Variants in TRIO observed in about 807,000 individuals in gnomAD.
The protein encoded by TRIO is triple functional domain protein.
TRIO carries 58 observed loss-of-function variants against 351.9 expected under a neutral mutation model. The ratio of observed to expected loss-of-function variants is 0.16; its 90% confidence interval spans 0.13 to 0.21. The LOEUF (loss-of-function observed/expected upper bound fraction) is 0.21, where lower values mean the gene tolerates loss of function less well. TRIO is among the 10% of genes least tolerant of loss of function. The pLI, the probability that TRIO is intolerant of heterozygous loss-of-function variation, is 1.00. For missense variants in TRIO, 3,201 were observed against 4,027.8 expected (o/e 0.79, Z 5.56); for synonymous variants, 1,758 against 1,595.7 (o/e 1.10, Z -2.42).
At chr5:14,223,474 T>A (rs1327185473) in intron 1 of TRIO, among the ~76,000 whole-genome samples, 2 of 152,194 alleles carry the variant, frequency 1.3e-5, no homozygotes, top group African/African-American at 4.8e-5. Context: ...CCATGTCCTC[T>A]GTGTCCTATT....
rs1242476335 is a variant in TRIO, at chr5:14,290,996, A to G, written c.821A>G (p.Asp274Gly). ...KKKVIKAPIE[D>G]LDLEGQKLLQ... ...AAGGTGATTAAGGCCCCCATCGAGG[A>G]CCTGGATTTGGAGGGACAGAAGCTG... Residue 274 changes from aspartate to glycine, a missense_variant, in exon 5 of 57, where the codon GAC (aspartate) becomes GGC (glycine). Physicochemically the swap from Asp to Gly is moderately conservative, Grantham distance 94. Around this residue, in one of 19 missense-constraint regions of TRIO, gnomAD observed 349 missense variants for 449.3 expected, o/e 0.78. Coordinates refer to ENST00000344204, the MANE Select transcript of TRIO (RefSeq NM_007118.4). The G allele has an allele frequency of 6.2e-7, 1 of 1,614,202 alleles. No homozygotes were observed. Among genetic ancestry groups the G allele is most frequent in the South Asian group, 1.1e-5 (1 of 91,082 alleles).
At position 14,327,325 on chromosome 5, in the gene TRIO, C is replaced by T. The variant is rs189661917; in HGVS notation, c.1732-3453C>T. ...GATTACAGGTGTACACCACCACGCC[C>T]GGCTAATTTTGTATTTTTAGTAGAG... is the stretch of plus-strand genomic sequence containing the variant. On this transcript the variant is annotated intron_variant, in intron 9 of 56. Coordinates refer to ENST00000344204, the MANE Select transcript of TRIO (RefSeq NM_007118.4). 1.3e-3 allele frequency among the ~76,000 whole-genome samples: 199 copies of T among 152,184 alleles called. No homozygotes were observed. In the Middle Eastern group the frequency reaches 0.014, roughly 10 times the overall value.
At chr5:14,256,365 T>G (rs1463003538) in intron 1 of TRIO, among the ~76,000 whole-genome samples, 1 of 152,044 alleles carries the variant, frequency 6.6e-6, no homozygotes, top group Non-Finnish European at 1.5e-5. Flanking sequence ...GAGGTCACAT[T>G]TCAACACGAG....
intron 36 of TRIO, 108 bp from the exon 37 acceptor site, chr5:14,465,437 C>A: frequency 9.5e-7 from 1 of 1,048,654 alleles, no homozygotes; most frequent in Non-Finnish European, 1.4e-6. Flanking sequence ...GTCTTTTTGT[C>A]TGGAATTACT....
At chr5:14,397,648 T>A (rs1294091014) in intron 29 of TRIO, among the ~76,000 whole-genome samples, 2 of 150,982 alleles carry the variant, frequency 1.3e-5, no homozygotes, top group African/African-American at 4.8e-5. Flanking sequence ...TTTCCATAAA[T>A]GCCTCTGTTT....
chr5:14,404,378 T>C (rs888516228), intron 31 of TRIO, among the ~76,000 whole-genome samples: 1 of 152,112 alleles, frequency 6.6e-6, no homozygotes, highest in Non-Finnish European at 1.5e-5. Context: ...TTACTATTTC[T>C]GAAAAACTGA....
chr5:14,470,399 T>C (rs1342789652), intron 37 of TRIO, among the ~76,000 whole-genome samples: 1 of 152,218 alleles, frequency 6.6e-6, no homozygotes, highest in African/African-American at 2.4e-5. Context: ...TTCATCACAT[T>C]TTTTTCCAGT....
intron 9 of TRIO, among the ~76,000 whole-genome samples, chr5:14,320,574 T>G (rs1341713408): frequency 6.6e-6 from 1 of 152,226 alleles, no homozygotes; most frequent in African/African-American, 2.4e-5. Context: ...CAGGGCCATG[T>G]TGGACCATTT....
intron 11 of TRIO, among the ~76,000 whole-genome samples, chr5:14,349,207 CATG>C (rs1052451536): frequency 8.7e-5 from 13 of 148,844 alleles, no homozygotes; most frequent in Middle Eastern, 3.9e-3. Context: ...TGTGCACACA[CATG>C]ATCATGTGTG....
intron 1 of TRIO, among the ~76,000 whole-genome samples, chr5:14,220,390 G>T (rs1581380713): frequency 6.6e-6 from 1 of 152,252 alleles, no homozygotes; most frequent in African/African-American, 2.4e-5. Context: ...GAGACACAAC[G>T]ATATTGAAAT....
intron 11 of TRIO, among the ~76,000 whole-genome samples, chr5:14,352,783 G>A (rs1246274424): frequency 6.6e-6 from 1 of 152,122 alleles, no homozygotes; most frequent in African/African-American, 2.4e-5. Flanking sequence ...GTTCCTTCAC[G>A]GTCTCCTCAG....
chr5:14,420,112 A>G (rs1351253996), intron 34 of TRIO, 91 bp downstream of exon 34: 13 of 1,535,428 alleles, frequency 8.5e-6, no homozygotes, highest in Non-Finnish European at 1.1e-5. Context: ...GTTAATGTGC[A>G]TGAGCTTCCT....
chr5:14,469,492 A>C (rs1754519660), intron 37 of TRIO, among the ~76,000 whole-genome samples: 3 of 152,382 alleles, frequency 2.0e-5, no homozygotes, highest in South Asian at 4.1e-4. Context: ...ACCTATCTTC[A>C]TGTAAGAAAG....
intron 2 of TRIO, among the ~76,000 whole-genome samples, chr5:14,278,742 A>G (rs1346979039): frequency 6.6e-6 from 1 of 152,232 alleles, no homozygotes; most frequent in African/African-American, 2.4e-5. Flanking sequence ...ATCATATCAG[A>G]TGTTTCAGAA....
Position 14,207,343 on chromosome 5 carries a change from C to T in TRIO, c.157+63461C>T, listed in dbSNP as rs1312063856. On this transcript the variant is annotated intron_variant, in intron 1 of 56. Coordinates refer to ENST00000344204, the MANE Select transcript of TRIO (RefSeq NM_007118.4). The stretch of plus-strand genomic sequence containing the variant: ...TCACACACACACACACACACACACA[C>T]ACACACACACACACACACAGAGCCA... 8.0e-5 allele frequency among the ~76,000 whole-genome samples: 6 copies of T among 75,220 alleles called. 1 individual carries two copies. Among genetic ancestry groups the T allele is most frequent in the Non-Finnish European group, 1.3e-4 (5 of 38,238 alleles). The allele number at this position is 75,220 out of a possible 152,430, so 49.3% of individuals were successfully genotyped here.
At position 14,488,007 on chromosome 5, in the gene TRIO, C is replaced by T. The variant is rs771188369; in HGVS notation, c.7379C>T (p.Pro2460Leu). ...GGGGCCGCTTCGCCGCTGAACTCGC[C>T]GCTCTCCAGCGCGGTCCCTTCTCTC... Reference protein sequence around the residue: ...RAGAASPLNSPLSSAVPSLGK... With the variant: ...RAGAASPLNSLLSSAVPSLGK... The change falls in exon 48 of 57, where the codon CCG becomes CTG. Residue 2460 changes from proline to leucine, a missense_variant. By Grantham distance (98) the Pro-to-Leu change is moderately conservative. Transcript: ENST00000344204. The T allele has an allele frequency of 5.1e-6, 8 of 1,580,158 alleles. No individual in the cohort carries two copies. Among genetic ancestry groups the T allele is most frequent in the Non-Finnish European group, 6.9e-6 (8 of 1,164,336 alleles).
intron 1 of TRIO, chr5:14,184,089 A>C: frequency 3.2e-6 from 2 of 618,694 alleles, no homozygotes; most frequent in East Asian, 5.9e-5. Flanking sequence ...ATGAGCAGCC[A>C]TGACAGAGAA....
intron 34 of TRIO, among the ~76,000 whole-genome samples, chr5:14,432,047 A>C (rs1055550936): frequency 6.6e-6 from 1 of 152,196 alleles, no homozygotes; most frequent in Non-Finnish European, 1.5e-5. Flanking sequence ...TTAGGGGGAC[A>C]CACTTCAGCC....
intron 54 of TRIO, among the ~76,000 whole-genome samples, 168 bp downstream of exon 54, chr5:14,502,825 A>G (rs1014374217): frequency 2.0e-5 from 3 of 152,242 alleles, no homozygotes; most frequent in African/African-American, 4.8e-5. Context: ...ACACTGGGGA[A>G]GTAAGGAAGC....
Sources: gnomAD v4.1 joint callset for allele counts (sites outside exome capture counted in the v4.1 genomes callset) on GRCh38, gnomAD v4.1.1 for gene constraint, gnomAD v4.1.1 regional missense constraint, MANE v1.5 for transcripts, NCBI Gene and HGNC (gene_info 2026-07-23, HGNC 2026-07-21) for gene names.